The following RALA variants were observed in gnomAD, a reference collection of about 807,000 sequenced individuals.
RALA encodes ras-related protein Ral-A.
In RALA, 5 loss-of-function variants were observed where a neutral mutation model predicts 24.0. The ratio of observed to expected loss-of-function variants is 0.21; its 90% CI spans 0.11 to 0.44. RALA has a LOEUF of 0.44. Among genes scored for constraint, RALA ranks in the 20% least tolerant of loss-of-function variants. The pLI, the probability that RALA is intolerant of heterozygous loss-of-function variation, is 0.99. For synonymous variants in RALA, 77 were observed against 83.8 expected, an observed-to-expected ratio of 0.92 and a Z score of 0.44; for missense variants, 95 against 241.2, an observed-to-expected ratio of 0.39 and a Z score of 4.01.
chr7:39,662,122 C>G (rs538243193), intron 1 of RALA, among the ~76,000 whole-genome samples: 1 of 152,260 alleles, frequency 6.6e-6, no homozygotes, highest in South Asian at 2.1e-4. Flanking sequence ...CCCTAGGCTA[C>G]ACACAGCATG....
At chr7:39,657,147 G>A (rs1476284910) in intron 1 of RALA, among the ~76,000 whole-genome samples, 1 of 151,892 alleles carries the variant, frequency 6.6e-6, no homozygotes, top group Non-Finnish European at 1.5e-5. Flanking sequence ...TTGTATTTTT[G>A]TAGTGACGGG....
intron 1 of RALA, among the ~76,000 whole-genome samples, chr7:39,646,155 T>C (rs1378541821): frequency 6.6e-6 from 1 of 152,186 alleles, no homozygotes; most frequent in African/African-American, 2.4e-5. Context: ...GATAAAACTA[T>C]GCTGGCTCAT....
chr7:39,700,107 C>T (rs1792997772), intron 4 of RALA, among the ~76,000 whole-genome samples: 1 of 152,120 alleles, frequency 6.6e-6, no homozygotes, highest in African/African-American at 2.4e-5. Flanking sequence ...TGAGGTACGA[C>T]TATGTTACTT....
At chr7:39,631,547 T>G (rs1037054573) in intron 1 of RALA, among the ~76,000 whole-genome samples, 2 of 152,246 alleles carry the variant, frequency 1.3e-5, no homozygotes, top group African/African-American at 4.8e-5. Flanking sequence ...CTTGATGGTA[T>G]TGAGACATCT....
intron 1 of RALA, among the ~76,000 whole-genome samples, chr7:39,655,891 A>G (rs1470013325): frequency 1.3e-5 from 2 of 152,348 alleles, no homozygotes; most frequent in Middle Eastern, 6.8e-3. Flanking sequence ...AGGAGTAAAA[A>G]AAGAAATGCG....
intron 1 of RALA, among the ~76,000 whole-genome samples, chr7:39,640,198 A>G (rs1289698701): frequency 6.6e-6 from 1 of 152,124 alleles, no homozygotes; most frequent in Admixed American, 6.5e-5. Context: ...GGTGCATGGC[A>G]TCACTCCTGG....
intron 3 of RALA, among the ~76,000 whole-genome samples, chr7:39,695,581 T>G (rs570512083): frequency 6.6e-6 from 1 of 152,160 alleles, no homozygotes; most frequent in Admixed American, 6.5e-5. Context: ...TTTTCTATTT[T>G]TTATAGATAT....
intron 1 of RALA, among the ~76,000 whole-genome samples, chr7:39,630,443 A>C (rs1208932912): frequency 2.0e-5 from 3 of 152,238 alleles, no homozygotes; most frequent in African/African-American, 7.2e-5. Flanking sequence ...TTTAATTTTG[A>C]CATATGTTGC....
At chr7:39,675,335 G>A (rs1447502383) in intron 1 of RALA, among the ~76,000 whole-genome samples, 1 of 152,120 alleles carries the variant, frequency 6.6e-6, no homozygotes, top group African/African-American at 2.4e-5. Flanking sequence ...TTCTACTTGT[G>A]GCATCATGTC....
intron 1 of RALA, among the ~76,000 whole-genome samples, chr7:39,648,166 A>G (rs1006568264): frequency 6.6e-6 from 1 of 152,166 alleles, no homozygotes; most frequent in African/African-American, 2.4e-5. Context: ...ACAGGGGCCC[A>G]GTGGCCTGGG....
intron 1 of RALA, among the ~76,000 whole-genome samples, chr7:39,657,739 C>T (rs370161152): frequency 6.8e-6 from 1 of 148,064 alleles, no homozygotes; most frequent in East Asian, 2.0e-4. Flanking sequence ...CTGGGCAACA[C>T]AGCAAGAGCC....
intron 1 of RALA, among the ~76,000 whole-genome samples, chr7:39,682,184 C>T (rs534600104): frequency 1.3e-5 from 2 of 152,326 alleles, no homozygotes; most frequent in South Asian, 2.1e-4. Context: ...ATGTAGTACT[C>T]AGCTGAATTA....
chr7:39,648,543 A>C (rs1446576735), intron 1 of RALA, among the ~76,000 whole-genome samples: 1 of 152,082 alleles, frequency 6.6e-6, no homozygotes. Context: ...TTCTGCCCTC[A>C]TGGATCTTAT....
At chr7:39,684,862 G>A (rs1049575964) in intron 1 of RALA, among the ~76,000 whole-genome samples, 1 of 152,292 alleles carries the variant, frequency 6.6e-6, no homozygotes, top group African/African-American at 2.4e-5. Flanking sequence ...AAGTCAGACT[G>A]CAAACATTTG....
intron 1 of RALA, among the ~76,000 whole-genome samples, chr7:39,680,298 T>C (rs1792566966): frequency 6.6e-6 from 1 of 150,634 alleles, no homozygotes; most frequent in African/African-American, 2.4e-5. Flanking sequence ...GAACCTGGGG[T>C]TGGTGAGGCG....
At chr7:39,652,043 G>A (rs1237815654) in intron 1 of RALA, among the ~76,000 whole-genome samples, 1 of 152,168 alleles carries the variant, frequency 6.6e-6, no homozygotes, top group Non-Finnish European at 1.5e-5. Context: ...TATTCTGGAG[G>A]CTGGGAGGTT....
intron 1 of RALA, among the ~76,000 whole-genome samples, chr7:39,669,879 T>C (rs1792351426): frequency 1.3e-5 from 2 of 152,182 alleles, no homozygotes; most frequent in Admixed American, 6.5e-5. Context: ...GATGTAAGTC[T>C]TAATCAGTTA....
chr7:39,672,965 T>G (rs185957273), intron 1 of RALA, among the ~76,000 whole-genome samples: 163 of 152,316 alleles, frequency 1.1e-3, no homozygotes, highest in African/African-American at 3.8e-3. Flanking sequence ...TGTATGTAAA[T>G]CAACCTTCCC....
intron 1 of RALA, among the ~76,000 whole-genome samples, chr7:39,665,894 G>A (rs1468084226): frequency 1.3e-5 from 2 of 151,676 alleles, no homozygotes; most frequent in Non-Finnish European, 2.9e-5. Flanking sequence ...GTGTCCTAGG[G>A]CACATTTTTA....
Sources: gnomAD v4.1 joint callset for allele counts (sites outside exome capture counted in the v4.1 genomes callset) on GRCh38, gnomAD v4.1.1 for gene constraint, MANE v1.5 for transcripts, NCBI Gene and HGNC (gene_info 2026-07-23, HGNC 2026-07-21) for gene names.